NTRK1: variants seen among roughly 807,000 people sequenced by gnomAD.
NTRK1 encodes neurotrophic receptor tyrosine kinase 1.
In NTRK1, 62 loss-of-function variants were observed where a neutral mutation model predicts 86.8. The observed-to-expected ratio is 0.71, with a 90% CI of 0.58 to 0.88. NTRK1 has a LOEUF of 0.88. Ranked by LOEUF, NTRK1 falls within the 40% of genes least tolerant of loss-of-function variation. The probability of loss-of-function intolerance (pLI) is 0.00; values close to 1 mark genes in which losing one functional copy is unlikely to be tolerated. For synonymous variants in NTRK1, 469 were observed against 456.6 expected (o/e 1.03, Z -0.35); for missense variants, 967 against 1,078.4 (o/e 0.90, Z 1.45).
chr1:156,871,570 G>C (rs79195317), intron 6 of NTRK1, 53 bp from the exon 7 acceptor site: 2 of 1,608,340 alleles, frequency 1.2e-6, no homozygotes, highest in African/African-American at 2.7e-5. Flanking sequence ...TTCAGCCCCA[G>C]CCCCAAGCTG....
chr1:156,873,059 GTGTT>G (rs1377309598), intron 7 of NTRK1, among the ~76,000 whole-genome samples: 1 of 150,282 alleles, frequency 6.7e-6, no homozygotes, highest in African/African-American at 2.5e-5. Context: ...GTGTGTGTGT[GTGTT>G]TGAAGAGATG....
intron 2 of NTRK1, chr1:156,851,521 G>A: frequency 6.3e-7 from 1 of 1,598,132 alleles, no homozygotes; most frequent in Non-Finnish European, 8.6e-7. Context: ...CCCCGGGAAG[G>A]TGGGCCCTCA....
At chr1:156,828,392 T>G (rs544401079) in intron 1 of NTRK1, among the ~76,000 whole-genome samples, 1 of 152,178 alleles carries the variant, frequency 6.6e-6, no homozygotes, top group Non-Finnish European at 1.5e-5. Context: ...TGAGTAACTA[T>G]GTATTGACAT....
intron 10 of NTRK1, 89 bp downstream of exon 10, chr1:156,874,715 G>A (rs1272039599): frequency 4.2e-6 from 6 of 1,415,696 alleles, no homozygotes; most frequent in Non-Finnish European, 5.9e-6. Flanking sequence ...TCAGAGCAGG[G>A]AGATCACTAC....
upstream of NTRK1, chr1:156,858,851 A>C (rs1038615918): frequency 1.7e-6 from 1 of 573,576 alleles, no homozygotes; most frequent in African/African-American, 1.9e-5. Context: ...GAGACTCAGC[A>C]TGAGATTGAG....
intron 1 of NTRK1, among the ~76,000 whole-genome samples, chr1:156,832,989 A>G (rs1654502337): frequency 6.6e-6 from 1 of 152,196 alleles, no homozygotes; most frequent in African/African-American, 2.4e-5. Context: ...GCTTCTTGCT[A>G]AACACATTTT....
chr1:156,858,273 A>T (rs1655480226), upstream of NTRK1, among the ~76,000 whole-genome samples: 1 of 152,202 alleles, frequency 6.6e-6, no homozygotes, highest in Non-Finnish European at 1.5e-5. Context: ...CTTCACTGGG[A>T]TCACAGTTTC....
At chr1:156,877,380 A>G (rs1439117063) in intron 14 of NTRK1, among the ~76,000 whole-genome samples, 1 of 152,230 alleles carries the variant, frequency 6.6e-6, no homozygotes, top group Non-Finnish European at 1.5e-5. Context: ...TGATAATTTT[A>G]ATAACTTCGA....
At chr1:156,834,808 C>T (rs568869027) in intron 1 of NTRK1, among the ~76,000 whole-genome samples, 54 of 99,436 alleles carry the variant, frequency 5.4e-4, no homozygotes, top group Admixed American at 3.6e-3. Flanking sequence ...AGGAATGGGC[C>T]GGGGAGACGG....
intron 3 of NTRK1, among the ~76,000 whole-genome samples, chr1:156,865,826 T>TG (rs1306768292): frequency 2.0e-5 from 3 of 152,170 alleles, no homozygotes; most frequent in Non-Finnish European, 4.4e-5. Context: ...GGAAGGATGG[T>TG]GGGGCTGACA....
At chr1:156,819,489 TG>T (rs1411202348) in intron 1 of NTRK1, among the ~76,000 whole-genome samples, 4 of 149,834 alleles carry the variant, frequency 2.7e-5, no homozygotes, top group Non-Finnish European at 4.4e-5. Context: ...GCTCACTTTT[TG>T]ATGGGATTAT....
chr1:156,820,756 T>G (rs1425793041), intron 1 of NTRK1, among the ~76,000 whole-genome samples: 2 of 152,380 alleles, frequency 1.3e-5, no homozygotes, highest in East Asian at 3.9e-4. Flanking sequence ...AGTATTGCTT[T>G]GGCTATATGG....
intron 4 of NTRK1, 111 bp from the exon 5 acceptor site, chr1:156,867,993 C>A: frequency 8.3e-7 from 1 of 1,203,666 alleles, no homozygotes; most frequent in Non-Finnish European, 1.2e-6. Context: ...ACCTCTGTGT[C>A]CTCCCTTTCA....
At chr1:156,841,529 C>T in intron 1 of NTRK1, 1 of 1,613,992 alleles carries the variant, frequency 6.2e-7, no homozygotes, top group African/African-American at 1.3e-5. Context: ...GCCAAAGGAC[C>T]TGGGGGCATG....
At chr1:156,831,713 G>C (rs549478507) in intron 1 of NTRK1, among the ~76,000 whole-genome samples, 1 of 152,298 alleles carries the variant, frequency 6.6e-6, no homozygotes, top group South Asian at 2.1e-4. Context: ...TGTTCTGAGG[G>C]ACCCATGAAG....
intron 15 of NTRK1, 96 bp from the exon 16 acceptor site, chr1:156,879,903 T>G: frequency 2.7e-6 from 4 of 1,485,418 alleles, no homozygotes; most frequent in Non-Finnish European, 3.7e-6. Flanking sequence ...CCACCGAGCT[T>G]GTGTATTTAT....
chr1:156,858,813 AAG>A (rs1655503217), upstream of NTRK1: 5 of 605,388 alleles, frequency 8.3e-6, no homozygotes, highest in Non-Finnish European at 1.5e-5. Flanking sequence ...CAGAGACACA[AAG>A]ACAGTGACAG....
chr1:156,865,792 C>A (rs1655902686), intron 3 of NTRK1, among the ~76,000 whole-genome samples: 1 of 152,128 alleles, frequency 6.6e-6, no homozygotes, highest in Non-Finnish European at 1.5e-5. Flanking sequence ...CCCCTGTCCC[C>A]CAATATGAGC....
intron 6 of NTRK1, among the ~76,000 whole-genome samples, 195 bp from the exon 7 acceptor site, chr1:156,871,428 G>C (rs1234127722): frequency 6.6e-6 from 1 of 152,148 alleles, no homozygotes; most frequent in East Asian, 1.9e-4. Context: ...TGTGATCCAG[G>C]AGATAGTCAA....
Sources: gnomAD v4.1 joint callset for allele counts (sites outside exome capture counted in the v4.1 genomes callset) on GRCh38, gnomAD v4.1.1 for gene constraint, MANE v1.5 for transcripts, NCBI Gene and HGNC (gene_info 2026-07-23, HGNC 2026-07-21) for gene names.